CNTNAP3B: variants seen among roughly 807,000 people sequenced by gnomAD.
CNTNAP3B encodes contactin-associated protein-like 3B.
In CNTNAP3B, 25 loss-of-function variants were observed where a neutral mutation model predicts 108.9. The observed-to-expected ratio is 0.23, with a 90% CI of 0.17 to 0.32. CNTNAP3B has a LOEUF of 0.32. Ranked by LOEUF, CNTNAP3B falls within the 10% of genes least tolerant of loss-of-function variation. CNTNAP3B has a pLI of 1.00. For missense variants in CNTNAP3B, 252 were observed against 1,210.4 expected (o/e 0.21, Z 11.75); for synonymous variants, 103 against 473.4 (o/e 0.22, Z 10.16).
chr9:41,965,677 G>A (rs1825248101), intron 10 of CNTNAP3B, among the ~76,000 whole-genome samples: 1 of 152,016 alleles, frequency 6.6e-6, no homozygotes, highest in Non-Finnish European at 1.5e-5. Context: ...AGCGGCAGAG[G>A]CGGGGAGCAC....
intron 1 of CNTNAP3B, among the ~76,000 whole-genome samples, chr9:42,127,658 C>T (rs1384172874): frequency 7.2e-6 from 1 of 139,722 alleles, no homozygotes; most frequent in Non-Finnish European, 1.5e-5. Flanking sequence ...ATTCACAAAG[C>T]CCTCTCACAA....
chr9:41,934,122 T>TATACACAC (rs1214326050), intron 14 of CNTNAP3B, among the ~76,000 whole-genome samples: 6 of 73,474 alleles, frequency 8.2e-5, no homozygotes, highest in Admixed American at 1.4e-4. Flanking sequence ...TATATATATA[T>TATACACAC]ACACACACAT....
rs1258800647 is a variant in CNTNAP3B at position 42,110,494 on chromosome 9, C to T, written c.86-5755G>A. Among the ~76,000 whole-genome samples, 3 of 131,354 alleles carry T rather than the reference C, an allele frequency of 2.3e-5. 1 individual carries two copies. The highest frequency in any genetic ancestry group is 4.8e-5 in the Non-Finnish European group (3 of 62,992). The allele number at this position is 131,354 out of a possible 152,430, so 86.2% of individuals were successfully genotyped here. ...TATTAAAGAGTTCAACAGATGGTTA[C>T]TGTGTTATCACAGATGTACAGAAAA... is the stretch of plus-strand genomic sequence containing the variant. On this transcript the variant is annotated intron_variant, in intron 1 of 23. Coordinates refer to ENST00000377561, the MANE Select transcript of CNTNAP3B (RefSeq NM_001201380.3).
At chr9:42,112,514 T>A (rs1161216725) in intron 1 of CNTNAP3B, among the ~76,000 whole-genome samples, 1 of 138,734 alleles carries the variant, frequency 7.2e-6, no homozygotes, top group Non-Finnish European at 1.5e-5. Flanking sequence ...GATGAGTGTC[T>A]GGTTCCCGGG....
At chr9:42,093,204 G>T (rs576776596) in intron 2 of CNTNAP3B, among the ~76,000 whole-genome samples, 1 of 93,876 alleles carries the variant, frequency 1.1e-5, no homozygotes, top group African/African-American at 4.0e-5. Context: ...AATTAGCCAG[G>T]CGTGGTGGCG....
At chr9:42,047,798 T>A (rs1015425433) in intron 3 of CNTNAP3B, among the ~76,000 whole-genome samples, 2 of 115,242 alleles carry the variant, frequency 1.7e-5, no homozygotes, top group African/African-American at 7.4e-5. Context: ...GTTCTCTGTT[T>A]GTGATAGTGT....
intron 13 of CNTNAP3B, among the ~76,000 whole-genome samples, chr9:41,947,397 A>T (rs1412827017): frequency 6.6e-6 from 1 of 152,390 alleles, no homozygotes; most frequent in Middle Eastern, 3.4e-3. Context: ...GAAATTTTTT[A>T]AAATACACTT....
At chr9:42,033,979 G>A (rs1444272658) in intron 3 of CNTNAP3B, among the ~76,000 whole-genome samples, 2 of 94,410 alleles carry the variant, frequency 2.1e-5, no homozygotes, top group African/African-American at 4.1e-5. Flanking sequence ...CTACAGTGCC[G>A]GTCTCAGTTA....
intron 4 of CNTNAP3B, among the ~76,000 whole-genome samples, chr9:42,010,366 G>A (rs558651954): frequency 7.8e-4 from 117 of 149,166 alleles, no homozygotes; most frequent in African/African-American, 2.9e-3. Context: ...GCTAAAGAGA[G>A]CTGAAATCAT....
intron 3 of CNTNAP3B, among the ~76,000 whole-genome samples, chr9:42,032,968 G>A (rs1826549640): frequency 1.4e-5 from 2 of 143,774 alleles, no homozygotes; most frequent in Non-Finnish European, 3.0e-5. Context: ...ATTACCTCCT[G>A]AAAGGCCCTG....
At position 42,109,950 on chromosome 9, in the gene CNTNAP3B, G is replaced by A. The variant is rs552422051; in HGVS notation, c.86-5211C>T. On this transcript the variant is annotated intron_variant, in intron 1 of 23. Transcript: ENST00000377561. ...ATGGAGTGAGGCACCCACAAGGTGA[G>A]GCACACGGGCAACCACAGGAAGCCG... Among the ~76,000 whole-genome samples the A allele has an allele frequency of 1.2e-3, 161 of 138,498 alleles. 32 individuals are homozygous for A. The highest frequency in any genetic ancestry group is 4.3e-3 in the African/African-American group (149 of 34,798). 90.9% of individuals were successfully genotyped at this position (138,498 alleles called of 152,430 possible).
intron 3 of CNTNAP3B, among the ~76,000 whole-genome samples, chr9:42,022,068 G>C (rs1826319589): frequency 7.5e-6 from 1 of 133,918 alleles, no homozygotes; most frequent in South Asian, 2.5e-4. Context: ...GAGAATAGAG[G>C]AGCCTAAATT....
chr9:41,929,226 C>G (rs1462162746), intron 15 of CNTNAP3B, 91 bp downstream of exon 15: 21 of 1,432,170 alleles, frequency 1.5e-5, no homozygotes, highest in African/African-American at 6.0e-5. Flanking sequence ...TGCCACTATT[C>G]TCTTTCTGGC....
At chr9:41,959,036 C>T (rs1824968365) in intron 12 of CNTNAP3B, among the ~76,000 whole-genome samples, 1 of 141,014 alleles carries the variant, frequency 7.1e-6, no homozygotes, top group African/African-American at 2.8e-5. Flanking sequence ...CAACGGTTTC[C>T]CCAAAGGTTA....
intron 15 of CNTNAP3B, among the ~76,000 whole-genome samples, chr9:41,928,100 G>A (rs1241196665): frequency 2.0e-5 from 3 of 152,358 alleles, no homozygotes; most frequent in Admixed American, 2.0e-4. Flanking sequence ...TTTTGAAATT[G>A]AAGGATAACA....
intron 3 of CNTNAP3B, among the ~76,000 whole-genome samples, chr9:42,020,166 ATCAT>A (rs1407307328): frequency 1.4e-5 from 2 of 138,620 alleles, no homozygotes; most frequent in African/African-American, 2.9e-5. Flanking sequence ...TGAGGAAATG[ATCAT>A]TCAGAAACAT....
intron 11 of CNTNAP3B, among the ~76,000 whole-genome samples, chr9:41,962,897 G>T (rs1587152620): frequency 6.6e-6 from 1 of 151,844 alleles, no homozygotes; most frequent in Non-Finnish European, 1.5e-5. Flanking sequence ...GGAACTTGCA[G>T]TGAGCTGAGA....
chr9:42,065,034 A>AT (rs1203207704), intron 3 of CNTNAP3B, among the ~76,000 whole-genome samples: 16 of 124,212 alleles, frequency 1.3e-4, no homozygotes, highest in African/African-American at 4.9e-4. Context: ...AAATCTCCAA[A>AT]TTTTTTTCCA....
chr9:41,926,212 G>T (rs1823814790), intron 15 of CNTNAP3B, among the ~76,000 whole-genome samples: 1 of 152,262 alleles, frequency 6.6e-6, no homozygotes, highest in African/African-American at 2.4e-5. Flanking sequence ...TCACTCCTAT[G>T]CTCCTCACTT....
Sources: allele counts gnomAD v4.1 joint callset (sites outside exome capture counted in the v4.1 genomes callset), GRCh38; gene constraint gnomAD v4.1.1; transcripts MANE v1.5; gene names NCBI Gene and HGNC (gene_info 2026-07-23, HGNC 2026-07-21).